The following COL24A1 variants were observed in gnomAD, a reference collection of about 807,000 sequenced individuals.
COL24A1 encodes the protein collagen alpha-1(XXIV) chain.
Under a neutral mutation model 253.9 loss-of-function variants are expected in COL24A1, and 224 were observed. That is an observed-to-expected ratio of 0.88 (90% CI 0.79 to 0.99). The LOEUF (loss-of-function observed/expected upper bound fraction) is 0.99, where lower values mean the gene tolerates loss of function less well. Ranked by LOEUF, COL24A1 falls within the 50% of genes least tolerant of loss-of-function variation. The pLI, the probability that COL24A1 is intolerant of heterozygous loss-of-function variation, is 0.00. For missense variants in COL24A1, 2,131 were observed against 2,068.5 expected (o/e 1.03, Z -0.59); for synonymous variants, 685 against 673.7 (o/e 1.02, Z -0.26).
rs572150391 is a variant in COL24A1, at chr1:86,149,098, T to C, written c.57-2915A>G. Among the ~76,000 whole-genome samples the C allele has an allele frequency of 8.5e-5, 13 of 152,358 alleles. No individual in the cohort carries two copies. In the East Asian group the frequency reaches 2.5e-3, roughly 29 times the overall value. On this transcript the variant is annotated intron_variant, in intron 1 of 59. Coordinates refer to ENST00000370571, the MANE Select transcript of COL24A1 (RefSeq NM_152890.7). The stretch of plus-strand genomic sequence containing the variant: ...TTAGTAGAGACAGAGTTTCACCATG[T>C]TGGCCAGGCTGGTCTCGAACTCCTG...
chr1:85,991,577 G>T (rs1694277069), intron 19 of COL24A1, among the ~76,000 whole-genome samples: 1 of 152,110 alleles, frequency 6.6e-6, no homozygotes, highest in South Asian at 2.1e-4. Flanking sequence ...GTTTTGTATA[G>T]TTTTATGTGT....
At chr1:86,085,629 C>T (rs926552968) in intron 7 of COL24A1, among the ~76,000 whole-genome samples, 3 of 152,216 alleles carry the variant, frequency 2.0e-5, no homozygotes, top group African/African-American at 4.8e-5. Context: ...TGATTCCAAA[C>T]GCAGAATTAG....
chr1:85,801,316 A>G lies in COL24A1; in HGVS notation c.3952-14855T>C, dbSNP rs916380292. Among the ~76,000 whole-genome samples the G allele has an allele frequency of 3.3e-5, 5 of 152,146 alleles. No individual in the cohort carries two copies. The East Asian group carries it at 9.6e-4, about 29-fold the overall frequency. On this transcript the variant is annotated intron_variant, in intron 47 of 59. Transcript: ENST00000370571. ...ACTTGTCCTGCGAATCTGACTTTCA[A>G]TGCACTGCATCGCTGGGGTTCTCTT...
intron 47 of COL24A1, among the ~76,000 whole-genome samples, chr1:85,788,854 A>C (rs184051448): frequency 6.6e-6 from 1 of 152,260 alleles, no homozygotes; most frequent in African/African-American, 2.4e-5. Flanking sequence ...CAGGTTTTTC[A>C]AAGATCAGAT....
At chr1:85,833,647 C>G (rs560320392) in intron 43 of COL24A1, among the ~76,000 whole-genome samples, 4 of 152,124 alleles carry the variant, frequency 2.6e-5, no homozygotes, top group Non-Finnish European at 5.9e-5. Flanking sequence ...AATCATGTTG[C>G]TATAAAGACA....
chr1:86,097,334 C>T (rs12402009), intron 5 of COL24A1, among the ~76,000 whole-genome samples: 8,458 of 152,096 alleles, frequency 0.056, 269 homozygotes, highest in East Asian at 0.085. Flanking sequence ...CTTTCTCAAT[C>T]TTGTTGTTAT....
At chr1:86,097,749 C>T (rs1027778127) in intron 5 of COL24A1, among the ~76,000 whole-genome samples, 2 of 151,526 alleles carry the variant, frequency 1.3e-5, no homozygotes, top group Non-Finnish European at 2.9e-5. Flanking sequence ...AGTCTTTGGA[C>T]GTTATCTGCA....
At chr1:86,012,953 ATGG>A (rs34650831) in intron 19 of COL24A1, among the ~76,000 whole-genome samples, 1 of 151,690 alleles carries the variant, frequency 6.6e-6, no homozygotes, top group Non-Finnish European at 1.5e-5. Context: ...GTCTTCAATT[ATGG>A]TGGTGGTGGT....
At chr1:85,940,057 G>A (rs1174338752) in intron 24 of COL24A1, among the ~76,000 whole-genome samples, 1 of 152,068 alleles carries the variant, frequency 6.6e-6, no homozygotes, top group African/African-American at 2.4e-5. Flanking sequence ...CACTGGGGAT[G>A]AATTGAAGAA....
chr1:85,985,206 G>A (rs1043189045), intron 20 of COL24A1, among the ~76,000 whole-genome samples: 1 of 151,682 alleles, frequency 6.6e-6, no homozygotes, highest in South Asian at 2.1e-4. Context: ...AAGCTTCCTG[G>A]ACATGTTGCA....
chr1:85,933,063 T>G (rs867357933), intron 24 of COL24A1, among the ~76,000 whole-genome samples: 1 of 121,876 alleles, frequency 8.2e-6, no homozygotes, highest in South Asian at 2.9e-4. Flanking sequence ...AATGTGCACA[T>G]GTACCCTAAA....
intron 24 of COL24A1, among the ~76,000 whole-genome samples, chr1:85,927,421 A>G (rs375335490): frequency 6.9e-6 from 1 of 144,586 alleles, no homozygotes; most frequent in Non-Finnish European, 1.5e-5. Context: ...CACCTGGCTC[A>G]GAGGGTCCTA....
At chr1:85,942,564 T>C (rs1688853099) in intron 24 of COL24A1, among the ~76,000 whole-genome samples, 2 of 152,170 alleles carry the variant, frequency 1.3e-5, no homozygotes, top group Admixed American at 6.5e-5. Context: ...TTAGTGCCAA[T>C]CATAATCCCC....
intron 1 of COL24A1, among the ~76,000 whole-genome samples, chr1:86,151,305 G>A (rs1229908423): frequency 6.6e-6 from 1 of 152,086 alleles, no homozygotes; most frequent in African/African-American, 2.4e-5. Context: ...TTCAAAACAT[G>A]TTTGTTTTCA....
chr1:86,089,189 AC>A lies in COL24A1; in HGVS notation c.1691del (p.Gly564ValfsTer41). The part of the protein sequence containing the change: ...QGLSGLMGPP[G>X]MQGDKGLKGH... The stretch of plus-strand genomic sequence containing the variant: ...TCCAACTTACCTTATCACCTTGCAT[AC>A]CAGGGGGGCCCATTAATCCAGAAAG... On this transcript the variant is annotated frameshift_variant, in exon 7 of 60. Coordinates refer to ENST00000370571, the MANE Select transcript of COL24A1 (RefSeq NM_152890.7). LOFTEE classifies it high-confidence loss of function. 2 of 1,584,784 alleles carry A rather than the reference AC, an allele frequency of 1.3e-6. No homozygotes were observed. The highest frequency in any genetic ancestry group is 1.7e-4 in the Middle Eastern group (1 of 5,952).
chr1:86,063,260 A>G (rs1324896), intron 8 of COL24A1, among the ~76,000 whole-genome samples: 1 of 151,972 alleles, frequency 6.6e-6, no homozygotes, highest in East Asian at 1.9e-4. Context: ...ATTTATTTGC[A>G]TTTCCTCAGG....
chr1:85,884,724 T>A (rs1000950401), intron 32 of COL24A1, among the ~76,000 whole-genome samples: 1 of 152,222 alleles, frequency 6.6e-6, no homozygotes, highest in Admixed American at 6.5e-5. Flanking sequence ...AAAACACCAG[T>A]TTATTCTCTG....
chr1:85,823,909 T>C (rs1466411814), intron 43 of COL24A1, among the ~76,000 whole-genome samples, 171 bp from the exon 44 acceptor site: 2 of 152,152 alleles, frequency 1.3e-5, no homozygotes, highest in Admixed American at 1.3e-4. Context: ...TTGGATATTA[T>C]GGTAGCTGAA....
At chr1:85,818,117 A>G (rs1323316116) in intron 45 of COL24A1, 30 bp from the exon 46 acceptor site, 4 of 1,578,936 alleles carry the variant, frequency 2.5e-6, no homozygotes, top group Non-Finnish European at 3.5e-6. Flanking sequence ...TTGTCAATTG[A>G]CTGTAATAAT....
Sources: allele counts gnomAD v4.1 joint callset (sites outside exome capture counted in the v4.1 genomes callset), GRCh38; gene constraint gnomAD v4.1.1; transcripts MANE v1.5; gene names NCBI Gene and HGNC (gene_info 2026-07-23, HGNC 2026-07-21).